CLIC4: variants seen among roughly 807,000 people sequenced by gnomAD.
CLIC4 encodes CLIC family member 4, also known as chloride intracellular channel protein 4.
A neutral mutation model predicts 24.6 loss-of-function variants in CLIC4; 13 were observed. The ratio of observed to expected loss-of-function variants is 0.53; its 90% CI spans 0.34 to 0.84. The LOEUF (loss-of-function observed/expected upper bound fraction) is 0.84, where lower values mean the gene tolerates loss of function less well. CLIC4 is among the 40% of genes least tolerant of loss of function. The probability of loss-of-function intolerance (pLI) is 0.01; values close to 1 mark genes in which losing one functional copy is unlikely to be tolerated. For missense variants in CLIC4, 227 were observed against 301.7 expected (o/e 0.75, Z 1.83); for synonymous variants, 104 against 111.3 (o/e 0.93, Z 0.41).
rs1266219795 is a variant in CLIC4, at chr1:24,824,913, AT to A, written c.309-2096del. On this transcript the variant is annotated intron_variant, in intron 3 of 5. Transcript: ENST00000374379. ...CTACTCAGGAGGCTGAGGTGGGAGG[AT>A]CGCTTGAGCCCAGGAGGTTGAGGCT... Among the ~76,000 whole-genome samples, 3 of 151,424 alleles carry A rather than the reference AT, an allele frequency of 2.0e-5. No individual in the cohort carries two copies. The East Asian group carries it at 5.9e-4, about 30-fold the overall frequency.
At chr1:24,776,666 T>G (rs1639144592) in intron 1 of CLIC4, among the ~76,000 whole-genome samples, 2 of 152,166 alleles carry the variant, frequency 1.3e-5, no homozygotes. Flanking sequence ...TTTGGCCAGG[T>G]GTCATGGCTC....
At chr1:24,814,587 A>AGT (rs1375980063) in intron 3 of CLIC4, among the ~76,000 whole-genome samples, 1 of 152,230 alleles carries the variant, frequency 6.6e-6, no homozygotes, top group Admixed American at 6.5e-5. Context: ...TCTTAGCAGG[A>AGT]GTGTGGCACA....
chr1:24,817,308 C>G (rs1223869736), intron 3 of CLIC4, among the ~76,000 whole-genome samples: 1 of 151,434 alleles, frequency 6.6e-6, no homozygotes, highest in Non-Finnish European at 1.5e-5. Flanking sequence ...CTAGATAGAT[C>G]AGCTAGATCT....
intron 1 of CLIC4, among the ~76,000 whole-genome samples, chr1:24,791,713 TAA>T (rs1639340079): frequency 6.6e-6 from 1 of 152,000 alleles, no homozygotes; most frequent in Admixed American, 6.6e-5. Context: ...CTGTCTCTAA[TAA>T]AAATACAAAA....
intron 2 of CLIC4, among the ~76,000 whole-genome samples, chr1:24,811,049 A>G (rs528318869): frequency 2.5e-4 from 37 of 150,334 alleles, no homozygotes; most frequent in Non-Finnish European, 5.0e-4. Context: ...ACTGCACTTC[A>G]GCCTGGGCGA....
chr1:24,778,645 C>T (rs1332425177), intron 1 of CLIC4, among the ~76,000 whole-genome samples: 1 of 151,998 alleles, frequency 6.6e-6, no homozygotes, highest in East Asian at 1.9e-4. Flanking sequence ...AGAGATATTG[C>T]CTCCGGACAG....
intron 1 of CLIC4, among the ~76,000 whole-genome samples, chr1:24,783,690 A>G (rs186833197): frequency 2.0e-5 from 3 of 152,266 alleles, no homozygotes; most frequent in Admixed American, 1.3e-4. Context: ...GCGACAGAGC[A>G]AGAGTCTGTC....
intron 1 of CLIC4, among the ~76,000 whole-genome samples, chr1:24,795,593 T>A (rs1639388802): frequency 6.6e-6 from 1 of 151,892 alleles, no homozygotes. Flanking sequence ...ATTTTTGAAA[T>A]GGAGTCTCAC....
At chr1:24,810,894 A>G (rs1288773143) in intron 2 of CLIC4, among the ~76,000 whole-genome samples, 2 of 151,904 alleles carry the variant, frequency 1.3e-5, no homozygotes, top group Non-Finnish European at 2.9e-5. Context: ...CCTGACTAAC[A>G]TGGTGAAACC....
intron 1 of CLIC4, among the ~76,000 whole-genome samples, chr1:24,789,299 CT>C (rs1639306570): frequency 6.6e-6 from 1 of 152,198 alleles, no homozygotes; most frequent in South Asian, 2.1e-4. Flanking sequence ...GGGCGAATCA[CT>C]TGAGGTCAGG....
chr1:24,745,573 T>A lies in CLIC4; in HGVS notation c.20T>A (p.Leu7Gln). Reference protein sequence around the residue: MALSMPLNGLKEEDKEP... With the variant: MALSMPQNGLKEEDKEP... ...CCGGCCATGGCGTTGTCGATGCCGC[T>A]GAATGGGCTGAAGGAGGAGGACAAA... The change falls in exon 1 of 6, where the codon CTG becomes CAG. Residue 7 changes from leucine (L) to glutamine (Q), a missense_variant. Coordinates refer to ENST00000374379, the MANE Select transcript of CLIC4 (RefSeq NM_013943.3). The A allele has an allele frequency of 1.3e-6, 2 of 1,592,356 alleles. No homozygotes were observed. The highest frequency in any genetic ancestry group is 2.3e-5 in the South Asian group (2 of 87,432).
Position 24,781,802 on chromosome 1 carries a change from C to T in CLIC4, c.73-15940C>T, listed in dbSNP as rs141162575. Among the ~76,000 whole-genome samples, 370 of 152,010 alleles carry T rather than the reference C, an allele frequency of 2.4e-3. 2 individuals carry two copies. Among genetic ancestry groups the T allele is most frequent in the African/African-American group, 8.3e-3 (345 of 41,422 alleles). ...AGTAGCTGGGATTACAGGTGCCCGCCACCACGCCTAACTAATTTTTTGTAT... is the reference window on the plus strand; with the variant it reads ...AGTAGCTGGGATTACAGGTGCCCGCTACCACGCCTAACTAATTTTTTGTAT... On this transcript the variant is annotated intron_variant, in intron 1 of 5. Coordinates refer to ENST00000374379, the MANE Select transcript of CLIC4 (RefSeq NM_013943.3).
In CLIC4 at chr1:24,805,086, C is replaced by CAAAAAA. The variant is rs757976140; in HGVS notation, c.182+7249_182+7254dup. On this transcript the variant is annotated intron_variant, in intron 2 of 5. Coordinates refer to ENST00000374379, the MANE Select transcript of CLIC4 (RefSeq NM_013943.3). ...TGGGCAACAGAGTGAGACTCCATGTCAAAAAAAAAAAAAAAAAAACACAAA... is the reference window on the plus strand; with the variant it reads ...TGGGCAACAGAGTGAGACTCCATGTCAAAAAAAAAAAAAAAAAAAAAAAAACACAAA... Among the ~76,000 whole-genome samples, 110 of 46,210 alleles carry CAAAAAA rather than the reference C, an allele frequency of 2.4e-3. 1 individual carries two copies. Among genetic ancestry groups the CAAAAAA allele is most frequent in the East Asian group, 3.1e-3 (6 of 1,928 alleles). The allele number at this position is 46,210 out of a possible 152,430, so 30.3% of individuals were successfully genotyped here.
rs1212033050 is a variant in CLIC4, at chr1:24,820,067, G to GTGTGTATATATATATATATATATA, written c.308+5849_308+5850insGTGTATATATATATATATATATAT. On this transcript the variant is annotated intron_variant, in intron 3 of 5. Transcript: ENST00000374379. ...TACTTCAAAAAAAAAAAAAAAGTAT[G>GTGTGTATATATATATATATATATA]TATATATATATGTATATATATATAT... is the stretch of plus-strand genomic sequence containing the variant. Among the ~76,000 whole-genome samples, 170 of 36,412 alleles carry GTGTGTATATATATATATATATATA rather than the reference G, an allele frequency of 4.7e-3. 27 individuals carry two copies. The highest frequency in any genetic ancestry group is 7.0e-3 in the South Asian group (5 of 710). 23.9% of individuals were successfully genotyped at this position (36,412 alleles called of 152,430 possible).
chr1:24,804,360 G>T (rs1295361427), intron 2 of CLIC4, among the ~76,000 whole-genome samples: 1 of 148,030 alleles, frequency 6.8e-6, no homozygotes. Context: ...TGTGTGTGGG[G>T]GGTGTGTGTA....
At chr1:24,772,254 CTTT>C (rs890417855) in intron 1 of CLIC4, among the ~76,000 whole-genome samples, 1 of 148,162 alleles carries the variant, frequency 6.7e-6, no homozygotes, top group Non-Finnish European at 1.5e-5. Flanking sequence ...TCTTCTTCTT[CTTT>C]TTTTTTTAAA....
chr1:24,765,915 A>G (rs1008730975), intron 1 of CLIC4, among the ~76,000 whole-genome samples: 2 of 151,038 alleles, frequency 1.3e-5, no homozygotes, highest in Non-Finnish European at 2.9e-5. Context: ...GGGTTCAAGC[A>G]ATTCTCCTGC....
intron 1 of CLIC4, among the ~76,000 whole-genome samples, chr1:24,767,850 TA>T (rs1162937610): frequency 5.1e-4 from 77 of 151,098 alleles, no homozygotes; most frequent in African/African-American, 1.6e-3. Flanking sequence ...TATATATATA[TA>T]TATTTTTTTT....
chr1:24,785,755 G>C (rs1449301182), intron 1 of CLIC4, among the ~76,000 whole-genome samples: 1 of 150,216 alleles, frequency 6.7e-6, no homozygotes, highest in East Asian at 2.0e-4. Flanking sequence ...GGGAGGCTGA[G>C]GCAGGAGAAT....
Sources: gnomAD v4.1 joint callset for allele counts (sites outside exome capture counted in the v4.1 genomes callset) on GRCh38, gnomAD v4.1.1 for gene constraint, MANE v1.5 for transcripts, NCBI Gene and HGNC (gene_info 2026-07-23, HGNC 2026-07-21) for gene names.